The following MMP9 variants were observed in gnomAD, a reference collection of about 807,000 sequenced individuals.
MMP9 encodes matrix metallopeptidase 9, also known as matrix metalloproteinase-9.
MMP9 carries 73 observed loss-of-function variants against 76.4 expected under a neutral mutation model. The ratio of observed to expected loss-of-function variants is 0.96; its 90% CI spans 0.79 to 1.16. The LOEUF is 1.16. Among genes scored for constraint, MMP9 ranks in the 50% most tolerant of loss-of-function variants. The pLI, the probability that MMP9 is intolerant of heterozygous loss-of-function variation, is 0.00. For missense variants in MMP9, 943 were observed against 973.0 expected (o/e 0.97, Z 0.41); for synonymous variants, 412 against 408.4 (o/e 1.01, Z -0.11).
chr20:46,013,846 G>A lies in MMP9; in HGVS notation c.1750+50G>A. Reference sequence around the variant, plus strand: ...CGCCCGGTCAATCCCCATCAGTCAAGGAGGCTCAAGAGACCATCGATAACC... The same window carrying A: ...CGCCCGGTCAATCCCCATCAGTCAAAGAGGCTCAAGAGACCATCGATAACC... On this transcript the variant is annotated intron_variant, in intron 10 of 12. Transcript: ENST00000372330. The surrounding 1 kb of genome is among the most constrained non-coding windows in gnomAD (Gnocchi z 4.5). The A allele has an allele frequency of 1.2e-6, 2 of 1,608,542 alleles. No homozygotes were observed. Among genetic ancestry groups the A allele is most frequent in the South Asian group, 1.1e-5 (1 of 90,374 alleles).
Position 46,016,460 on chromosome 20 carries a change from T to G in MMP9, c.*92T>G. ...GTTTGCCGGATACAAACTGGTATTC[T>G]GTTCTGGAGGAAAGGGAGGAGTGGA... On this transcript the variant is annotated 3_prime_UTR_variant, in exon 13 of 13. Transcript: ENST00000372330. 9.6e-7 allele frequency: 1 copy of G among 1,039,064 alleles called. No individual in the cohort carries two copies. The highest frequency in any genetic ancestry group is 1.5e-6 in the Non-Finnish European group (1 of 658,938). The allele number at this position is 1,039,064 out of a possible 1,614,324, so 64.4% of individuals were successfully genotyped here.
In MMP9 at chr20:46,016,289, T is replaced by C; in HGVS notation, c.2045T>C (p.Val682Ala). 1 of 1,614,138 alleles carries C rather than the reference T, an allele frequency of 6.2e-7. No individual in the cohort carries two copies. Among genetic ancestry groups the C allele is most frequent in the Non-Finnish European group, 8.5e-7 (1 of 1,180,018 alleles). Residue 682 changes from valine to alanine, a missense_variant, in exon 13 of 13, where the codon GTG (valine) becomes GCG (alanine). Coordinates refer to ENST00000372330, the MANE Select transcript of MMP9 (RefSeq NM_004994.3). ...TGCCAGGACCGCTTCTACTGGCGCG[T>C]GAGTTCCCGGAGTGAGTTGAACCAG... ...YFCQDRFYWR[V>A]SSRSELNQVD... is the part of the protein sequence containing the mutation.
In MMP9 at chr20:46,014,258, G is replaced by C. The variant is rs559776843; in HGVS notation, c.1885G>C (p.Gly629Arg). 22 of 1,523,642 alleles carry C rather than the reference G, an allele frequency of 1.4e-5. No homozygotes were observed. In the African/African-American group the frequency reaches 2.2e-4, roughly 15 times the overall value. The allele number at this position is 1,523,642 out of a possible 1,614,324, so 94.4% of individuals were successfully genotyped here. ...SGRGKMLLFSGRRLWRFDVKA... is the reference protein window; with the variant it reads ...SGRGKMLLFSRRRLWRFDVKA... ...CAGGGGGAAGATGCTGCTGTTCAGC[G>C]GGCGGCGCCTCTGGAGGTGAGCGCC... Residue 629 changes from glycine (G) to arginine (R), a missense_variant, in exon 11 of 13, where the codon GGG becomes CGG. Physicochemically the swap from Gly to Arg is moderately radical, Grantham distance 125. Transcript: ENST00000372330.
Position 46,012,341 on chromosome 20 carries a change from T to C in MMP9, c.1174+28T>C, listed in dbSNP as rs753824935. 3 of 1,612,518 alleles carry C rather than the reference T, an allele frequency of 1.9e-6. No individual in the cohort carries two copies. The South Asian group carries it at 3.3e-5, about 18-fold the overall frequency. On this transcript the variant is annotated intron_variant, in intron 7 of 12. Transcript: ENST00000372330. ...AGGCGTGGTCCCGCGGCTCCGGGGCTGGGGTTCCCGGCAGTGGTGGTGGTG... is the reference window on the plus strand; with the variant it reads ...AGGCGTGGTCCCGCGGCTCCGGGGCCGGGGTTCCCGGCAGTGGTGGTGGTG...
At position 46,010,758 on chromosome 20, in the gene MMP9, G is replaced by T. The variant is rs1029102369; in HGVS notation, c.520+127G>T. On this transcript the variant is annotated intron_variant, in intron 3 of 12. Transcript: ENST00000372330. ...CTGCCCGCGCTGCCCTGGCTTATAC[G>T]GCCCCTCCTGCCAGACAGTGCACAG... The T allele has an allele frequency of 3.2e-6, 5 of 1,543,354 alleles. No individual in the cohort carries two copies. In the African/African-American group the frequency reaches 5.5e-5, roughly 17 times the overall value.
chr20:46,016,455 T>A lies in MMP9; in HGVS notation c.*87T>A. ...AGCCAGTTTGCCGGATACAAACTGG[T>A]ATTCTGTTCTGGAGGAAAGGGAGGA... On this transcript the variant is annotated 3_prime_UTR_variant, in exon 13 of 13. Coordinates refer to ENST00000372330, the MANE Select transcript of MMP9 (RefSeq NM_004994.3). 9.4e-7 allele frequency: 1 copy of A among 1,069,220 alleles called. No homozygotes were observed. Among genetic ancestry groups the A allele is most frequent in the Non-Finnish European group, 1.5e-6 (1 of 685,748 alleles). 66.2% of individuals were successfully genotyped at this position (1,069,220 alleles called of 1,614,324 possible).
rs751218589 is a variant in MMP9, at chr20:46,012,462, G to A, written c.1210G>A (p.Gly404Ser). Reference protein sequence around the residue: ...SLFLVAAHEFGHALGLDHSSV... With the variant: ...SLFLVAAHEFSHALGLDHSSV... ...GTTCCTCGTGGCGGCGCATGAGTTCGGCCACGCGCTGGGCTTAGATCATTC... is the reference window on the plus strand; with the variant it reads ...GTTCCTCGTGGCGGCGCATGAGTTCAGCCACGCGCTGGGCTTAGATCATTC... The change falls in exon 8 of 13, where the codon GGC becomes AGC. Residue 404 changes from glycine (G) to serine (S), a missense_variant. By Grantham distance (56) the Gly-to-Ser change is moderately conservative. Transcript: ENST00000372330. 6 of 1,614,146 alleles carry A rather than the reference G, an allele frequency of 3.7e-6. No individual in the cohort carries two copies. Among genetic ancestry groups the A allele is most frequent in the African/African-American group, 1.3e-5 (1 of 75,024 alleles).
rs748447770 is a variant in MMP9 at position 46,013,353 on chromosome 20, C to A, written c.1429C>A (p.Pro477Thr). The A allele has an allele frequency of 2.5e-6, 4 of 1,613,464 alleles. No homozygotes were observed. Among genetic ancestry groups the A allele is most frequent in the South Asian group, 2.2e-5 (2 of 91,058 alleles). ...CCCCACCGGACCCCCCACTGTCCAC[C>A]CCTCAGAGCGCCCCACAGCTGGCCC... ...VCPTGPPTVH[P>T]SERPTAGPTG... Residue 477 changes from proline (P) to threonine (T), a missense_variant, in exon 9 of 13, where the codon CCC becomes ACC. Physicochemically the swap from Pro to Thr is conservative, Grantham distance 38 (BLOSUM62 -1). Transcript: ENST00000372330. This position sits in a 1 kb window ranked among gnomAD's most constrained non-coding sequence, Gnocchi z 4.5.
At chr20:46,010,723 T>C (rs2084273311) in intron 3 of MMP9, 92 bp downstream of exon 3, 2 of 1,546,570 alleles carry the variant, frequency 1.3e-6, no homozygotes, top group Admixed American at 2.0e-5. Context: ...TGGCCCCGGC[T>C]TCCTCTTGCC....
Position 46,014,239 on chromosome 20 carries a change from G to A in MMP9, c.1866G>A (p.Gly622=). The change falls in exon 11 of 13, where the codon GGG becomes GGA. Residue 622 remains glycine (G), a synonymous_variant. Coordinates refer to ENST00000372330, the MANE Select transcript of MMP9 (RefSeq NM_004994.3). ...CCGGGGCCCTCCGGAGTGGCAGGGG[G>A]AAGATGCTGCTGTTCAGCGGGCGGC... ...QVTGALRSGR[G]KMLLFSGRRL... 6.6e-7 allele frequency: 1 copy of A among 1,521,830 alleles called. No homozygotes were observed. The highest frequency in any genetic ancestry group is 8.8e-7 in the Non-Finnish European group (1 of 1,134,922). The allele number at this position is 1,521,830 out of a possible 1,614,324, so 94.3% of individuals were successfully genotyped here. A position where few individuals can be genotyped will look rare whatever the true frequency, so the allele number is the denominator to read the frequency against.
Position 46,010,983 on chromosome 20 carries a change from T to C in MMP9, c.582T>C (p.Pro194=). The change falls in exon 4 of 13, where the codon CCT becomes CCC. Residue 194 remains proline (P), a synonymous_variant. Transcript: ENST00000372330. The part of the protein sequence containing the change: ...KDGLLAHAFP[P]GPGIQGDAHF... ...GGCTCCTGGCACACGCCTTTCCTCC[T>C]GGCCCCGGCATTCAGGGAGACGCCC... The C allele has an allele frequency of 6.2e-7, 1 of 1,614,234 alleles. No homozygotes were observed. The highest frequency in any genetic ancestry group is 8.5e-7 in the Non-Finnish European group (1 of 1,180,038).
In MMP9 at chr20:46,010,330, A is replaced by ACAAACAAACAAAC. The variant is rs1555856938; in HGVS notation, c.372-153_372-152insCAAACAAACAAAC. ...TGAGGGTCTAAGTAGACAAAAAAAA[A>ACAAACAAACAAAC]AAAAAAAAAAACAGTCTGGAAGCAA... is the stretch of plus-strand genomic sequence containing the variant. On this transcript the variant is annotated intron_variant, in intron 2 of 12. Transcript: ENST00000372330. Among the ~76,000 whole-genome samples the ACAAACAAACAAAC allele has an allele frequency of 4.9e-5, 5 of 101,956 alleles. No homozygotes were observed. The East Asian group carries it at 1.4e-3, about 29-fold the overall frequency. 66.9% of individuals were successfully genotyped at this position (101,956 alleles called of 152,430 possible). A position where few individuals can be genotyped will look rare whatever the true frequency, so the allele number is the denominator to read the frequency against.
Position 46,012,329 on chromosome 20 carries a change from C to T in MMP9, c.1174+16C>T, listed in dbSNP as rs766624722. The T allele has an allele frequency of 4.3e-6, 7 of 1,612,588 alleles. No individual in the cohort carries two copies. Among genetic ancestry groups the T allele is most frequent in the Admixed American group, 3.3e-5 (2 of 59,994 alleles). On this transcript the variant is annotated intron_variant, in intron 7 of 12. Coordinates refer to ENST00000372330, the MANE Select transcript of MMP9 (RefSeq NM_004994.3). ...CCGGACCAAGGTAGGCGTGGTCCCG[C>T]GGCTCCGGGGCTGGGGTTCCCGGCA...
In MMP9 at chr20:46,012,536, G is replaced by C. The variant is rs762864452; in HGVS notation, c.1284G>C (p.Gly428=). ...ACCCTATGTACCGCTTCACTGAGGG[G>C]CCCCCCTTGCATAAGGACGACGTGA... ...LMYPMYRFTE[G]PPLHKDDVNG... Residue 428 remains glycine, a synonymous_variant, in exon 8 of 13, where the codon GGG becomes GGC. Transcript: ENST00000372330. The C allele has an allele frequency of 1.1e-5, 17 of 1,614,006 alleles. No individual in the cohort carries two copies. Among genetic ancestry groups the C allele is most frequent in the Admixed American group, 6.7e-5 (4 of 60,012 alleles).
Position 46,013,297 on chromosome 20 carries a change from C to A in MMP9, c.1373C>A (p.Thr458Lys). ...EPEPRPPTTTTPQPTAPPTVC... is the reference protein window; with the variant it reads ...EPEPRPPTTTKPQPTAPPTVC... ...GAGCCACGGCCTCCAACCACCACCA[C>A]ACCGCAGCCCACGGCTCCCCCGACG... The change falls in exon 9 of 13, where the codon ACA becomes AAA. Residue 458 changes from threonine to lysine, a missense_variant. Coordinates refer to ENST00000372330, the MANE Select transcript of MMP9 (RefSeq NM_004994.3). This position sits in a 1 kb window ranked among gnomAD's most constrained non-coding sequence, Gnocchi z 4.5. 1.2e-6 allele frequency: 2 copies of A among 1,614,064 alleles called. No homozygotes were observed. Among genetic ancestry groups the A allele is most frequent in the African/African-American group, 2.7e-5 (2 of 74,994 alleles).
In MMP9 at chr20:46,010,926, C is replaced by T; in HGVS notation, c.525C>T (p.His175=). 4 of 1,614,260 alleles carry T rather than the reference C, an allele frequency of 2.5e-6. No individual in the cohort carries two copies. Among genetic ancestry groups the T allele is most frequent in the Non-Finnish European group, 3.4e-6 (4 of 1,180,046 alleles). ...DIVIQFGVAE[H]GDGYPFDGKD... The stretch of plus-strand genomic sequence containing the variant: ...CCTCTCGACCTGTTTCTTCAGAGCA[C>T]GGAGACGGGTATCCCTTCGACGGGA... Residue 175 remains histidine, a synonymous_variant, in exon 4 of 13, where the codon CAC becomes CAT. Transcript: ENST00000372330.
Position 46,016,375 on chromosome 20 carries a change from C to T in MMP9, c.*7C>T, listed in dbSNP as rs201295370. ...GCAGTGCCCTGAGGACTAGGGCTCC[C>T]GTCCTGCTTTGGCAGTGCCATGTAA... On this transcript the variant is annotated 3_prime_UTR_variant, in exon 13 of 13. Coordinates refer to ENST00000372330, the MANE Select transcript of MMP9 (RefSeq NM_004994.3). 8.5e-5 allele frequency: 137 copies of T among 1,609,254 alleles called. No individual in the cohort carries two copies. The highest frequency in any genetic ancestry group is 1.0e-4 in the Non-Finnish European group (123 of 1,175,696).
intron 1 of MMP9, 65 bp from the exon 2 acceptor site, chr20:46,009,800 CT>C: frequency 7.1e-7 from 1 of 1,400,446 alleles, no homozygotes; most frequent in Non-Finnish European, 9.9e-7. Context: ...GGAGGGAGTC[CT>C]TTGGCCCCAG....
Position 46,016,498 on chromosome 20 carries a change from C to T in MMP9, c.*130C>T, listed in dbSNP as rs1263015631. ...AGGGAGGAGTGGAGGTGGGCTGGGC[C>T]CTCTCTTCTCACCTTTGTTTTTTGT... On this transcript the variant is annotated 3_prime_UTR_variant, in exon 13 of 13. Coordinates refer to ENST00000372330, the MANE Select transcript of MMP9 (RefSeq NM_004994.3). 2.6e-6 allele frequency: 2 copies of T among 769,958 alleles called. No individual in the cohort carries two copies. The highest frequency in any genetic ancestry group is 4.6e-6 in the Non-Finnish European group (2 of 433,044). The allele number at this position is 769,958 out of a possible 1,614,324, so 47.7% of individuals were successfully genotyped here.
Sources: allele counts gnomAD v4.1 joint callset (sites outside exome capture counted in the v4.1 genomes callset), GRCh38; gene constraint gnomAD v4.1.1; non-coding constraint Gnocchi (gnomAD v3.1); transcripts MANE v1.5; gene names NCBI Gene and HGNC (gene_info 2026-07-23, HGNC 2026-07-21).